The following VAX2 variants were observed in gnomAD, a reference collection of about 807,000 sequenced individuals.
VAX2 encodes ventral anterior homeobox 2.
Under a neutral mutation model 12.5 loss-of-function variants are expected in VAX2, and 8 were observed. The ratio of observed to expected loss-of-function variants is 0.64; its 90% CI spans 0.37 to 1.15. The LOEUF (loss-of-function observed/expected upper bound fraction) is 1.15, where lower values mean the gene tolerates loss of function less well. Among genes scored for constraint, VAX2 ranks in the 50% most tolerant of loss-of-function variants. The probability of loss-of-function intolerance (pLI) is 0.01; values close to 1 mark genes in which losing one functional copy is unlikely to be tolerated. For synonymous variants in VAX2, 183 were observed against 187.6 expected, an observed-to-expected ratio of 0.98 and a Z score of 0.20; for missense variants, 476 against 412.9, an observed-to-expected ratio of 1.15 and a Z score of -1.32.
At chr2:70,905,778 C>T (rs1553410525) in intron 1 of VAX2, among the ~76,000 whole-genome samples, 1 of 152,198 alleles carries the variant, frequency 6.6e-6, no homozygotes, top group Admixed American at 6.5e-5. Context: ...GGAGTGGGTA[C>T]CTGGGGCTAC....
At chr2:70,927,563 C>G (rs962191028) in intron 2 of VAX2, among the ~76,000 whole-genome samples, 3 of 150,828 alleles carry the variant, frequency 2.0e-5, no homozygotes, top group Non-Finnish European at 4.4e-5. Flanking sequence ...GGCCCATGGT[C>G]ACAGAAAACA....
chr2:70,917,082 C>T (rs1027150541), intron 1 of VAX2, among the ~76,000 whole-genome samples: 2 of 143,952 alleles, frequency 1.4e-5, no homozygotes, highest in East Asian at 2.1e-4. Context: ...AACCAGAAGA[C>T]GGAGGTTGCA....
intron 2 of VAX2, among the ~76,000 whole-genome samples, chr2:70,926,153 C>T (rs896104533): frequency 1.3e-5 from 2 of 152,066 alleles, no homozygotes; most frequent in Admixed American, 6.5e-5. Flanking sequence ...GGCAGAATGG[C>T]GAAGCCCTTT....
chr2:70,914,634 A>T (rs1232488081), intron 1 of VAX2, among the ~76,000 whole-genome samples: 2 of 151,984 alleles, frequency 1.3e-5, no homozygotes, highest in Non-Finnish European at 2.9e-5. Flanking sequence ...TGTCCTTTCA[A>T]CCTTATGGGA....
chr2:70,908,659 A>G (rs1679117963), intron 1 of VAX2, among the ~76,000 whole-genome samples: 1 of 152,232 alleles, frequency 6.6e-6, no homozygotes, highest in African/African-American at 2.4e-5. Flanking sequence ...GTGTGAGTAT[A>G]TCTGTCAGAG....
intron 1 of VAX2, among the ~76,000 whole-genome samples, chr2:70,912,646 AGT>A (rs1200959871): frequency 6.6e-6 from 1 of 152,116 alleles, no homozygotes; most frequent in Non-Finnish European, 1.5e-5. Flanking sequence ...TGGGTGACAG[AGT>A]GAGACTCCGT....
Position 70,929,013 on chromosome 2 carries a change from C to T in VAX2, c.436-3754C>T, listed in dbSNP as rs192462556. 3.3e-3 allele frequency among the ~76,000 whole-genome samples: 506 copies of T among 152,298 alleles called. 8 individuals carry two copies. The highest frequency in any genetic ancestry group is 1.2e-3 in the Non-Finnish European group (83 of 68,030). On this transcript the variant is annotated intron_variant, in intron 2 of 2. Coordinates refer to ENST00000234392, the MANE Select transcript of VAX2 (RefSeq NM_012476.3). ...GGAGGTGCTGGCTTGGCTAAGAGGT[C>T]AGGAAGCTTCCCAGCAGGGAGGGGG...
At position 70,921,270 on chromosome 2, in the gene VAX2, C is replaced by A. The variant is rs1553412834; in HGVS notation, c.420C>A (p.Asn140Lys). ...GCACTGAGCTGGCCCGCCAGCTGAA[C>A]CTCTCCGAGACCCAGGTAAGAGACC... ...RERTELARQL[N>K]LSETQVKVWF... Residue 140 changes from asparagine to lysine, a missense_variant, in exon 2 of 3, where the codon AAC becomes AAA. Transcript: ENST00000234392. The A allele has an allele frequency of 2.5e-6, 4 of 1,610,264 alleles. No homozygotes were observed. The highest frequency in any genetic ancestry group is 3.3e-4 in the Middle Eastern group (2 of 6,038).
chr2:70,904,099 G>T lies in VAX2; in HGVS notation c.247+3231G>T, dbSNP rs1426183992. ...GCGCATAACAGGCACCCCGCACATCGCACCGCGGACGCAGCGATCCTCCCA... is the reference window on the plus strand; with the variant it reads ...GCGCATAACAGGCACCCCGCACATCTCACCGCGGACGCAGCGATCCTCCCA... On this transcript the variant is annotated intron_variant, in intron 1 of 2. Transcript: ENST00000234392. The surrounding 1 kb of genome is among the most constrained non-coding windows in gnomAD (Gnocchi z 4.2). Among the ~76,000 whole-genome samples, 1 of 152,194 alleles carries T rather than the reference G, an allele frequency of 6.6e-6. No homozygotes were observed. Among genetic ancestry groups the T allele is most frequent in the Non-Finnish European group, 1.5e-5 (1 of 68,040 alleles).
At chr2:70,907,294 AGCG>A (rs1679081836) in intron 1 of VAX2, among the ~76,000 whole-genome samples, 1 of 152,256 alleles carries the variant, frequency 6.6e-6, no homozygotes, top group East Asian at 1.9e-4. Context: ...CCTAGGCTGG[AGCG>A]GAGGTCTTGG....
In VAX2 at chr2:70,907,181, C is replaced by T. The variant is rs982639827; in HGVS notation, c.247+6313C>T. Among the ~76,000 whole-genome samples the T allele has an allele frequency of 3.9e-5, 6 of 152,264 alleles. No homozygotes were observed. The South Asian group carries it at 1.2e-3, about 31-fold the overall frequency. ...AATAATTGTTAAAGCATGAAGTTGA[C>T]AACCCCATAGTTTCGAAATTTTGTT... is the stretch of plus-strand genomic sequence containing the variant. On this transcript the variant is annotated intron_variant, in intron 1 of 2. Coordinates refer to ENST00000234392, the MANE Select transcript of VAX2 (RefSeq NM_012476.3).
Position 70,932,951 on chromosome 2 carries a change from T to C in VAX2, c.620T>C (p.Leu207Pro), listed in dbSNP as rs375782827. ...AGCCTCCTGGCGCTGACCCCTAGCC[T>C]GCCAGGCCTACCTGCCAGCCACAGG... is the stretch of plus-strand genomic sequence containing the variant. ...APSLLALTPS[L>P]PGLPASHRGT... Residue 207 changes from leucine to proline, a missense_variant, in exon 3 of 3, where the codon CTG becomes CCG. Transcript: ENST00000234392. 3 of 1,612,052 alleles carry C rather than the reference T, an allele frequency of 1.9e-6. No homozygotes were observed. The highest frequency in any genetic ancestry group is 2.2e-5 in the East Asian group (1 of 44,814).
chr2:70,905,158 A>G (rs1435098404), intron 1 of VAX2, among the ~76,000 whole-genome samples: 1 of 152,094 alleles, frequency 6.6e-6, no homozygotes, highest in African/African-American at 2.4e-5. Flanking sequence ...GGCGTTTAGT[A>G]AGGACCACAG....
At chr2:70,911,926 A>T (rs183631127) in intron 1 of VAX2, among the ~76,000 whole-genome samples, 10 of 152,278 alleles carry the variant, frequency 6.6e-5, no homozygotes, top group Admixed American at 5.9e-4. Flanking sequence ...TCCTTTCTAG[A>T]AAGTTATTTT....
chr2:70,905,486 C>G (rs1231527720), intron 1 of VAX2, among the ~76,000 whole-genome samples: 1 of 151,812 alleles, frequency 6.6e-6, no homozygotes, highest in Non-Finnish European at 1.5e-5. Context: ...CCCTTACCCC[C>G]ACAAACACAC....
At position 70,933,354 on chromosome 2, in the gene VAX2, A is replaced by G. The variant is rs1679751593; in HGVS notation, c.*150A>G. On this transcript the variant is annotated 3_prime_UTR_variant, in exon 3 of 3. Transcript: ENST00000234392. The stretch of plus-strand genomic sequence containing the variant: ...CCCCAGCTCAGAGACTCGTGACCAA[A>G]TGGCCTTGGTCCCGCAGCTTGTGTG... 1 of 712,756 alleles carries G rather than the reference A, an allele frequency of 1.4e-6. No individual in the cohort carries two copies. Among genetic ancestry groups the G allele is most frequent in the Non-Finnish European group, 2.1e-6 (1 of 484,210 alleles). The allele number at this position is 712,756 out of a possible 1,614,324, so 44.2% of individuals were successfully genotyped here.
At chr2:70,922,240 A>G (rs1452536815) in intron 2 of VAX2, among the ~76,000 whole-genome samples, 1 of 152,214 alleles carries the variant, frequency 6.6e-6, no homozygotes, top group East Asian at 1.9e-4. Context: ...ATCAATCAAT[A>G]CATGCATTGT....
At chr2:70,931,115 A>T (rs527306133) in intron 2 of VAX2, among the ~76,000 whole-genome samples, 15 of 152,034 alleles carry the variant, frequency 9.9e-5, no homozygotes, top group Non-Finnish European at 1.9e-4. Flanking sequence ...TCCTCCCATG[A>T]GGTTTTGTGG....
intron 1 of VAX2, among the ~76,000 whole-genome samples, chr2:70,919,544 T>TG (rs1679401030): frequency 6.6e-6 from 1 of 151,576 alleles, no homozygotes; most frequent in Non-Finnish European, 1.5e-5. Flanking sequence ...AAAAAATAAT[T>TG]AAAAAATAAA....
Sources: allele counts gnomAD v4.1 joint callset (sites outside exome capture counted in the v4.1 genomes callset), GRCh38; gene constraint gnomAD v4.1.1; non-coding constraint Gnocchi (gnomAD v3.1); transcripts MANE v1.5; gene names NCBI Gene and HGNC (gene_info 2026-07-23, HGNC 2026-07-21).